PTPRT: variants seen among roughly 807,000 people sequenced by gnomAD.
The protein encoded by PTPRT is receptor-type tyrosine-protein phosphatase T.
PTPRT carries 56 observed loss-of-function variants against 176.8 expected under a neutral mutation model. The observed-to-expected ratio is 0.32, with a 90% CI of 0.26 to 0.40. The LOEUF is 0.40. Ranked by LOEUF, PTPRT falls within the 10% of genes least tolerant of loss-of-function variation. PTPRT has a pLI of 1.00. For missense variants in PTPRT, 1,540 were observed against 1,908.2 expected, an observed-to-expected ratio of 0.81 and a Z score of 3.60; for synonymous variants, 783 against 739.0, an observed-to-expected ratio of 1.06 and a Z score of -0.96.
chr20:42,945,597 C>T (rs993515674), intron 1 of PTPRT, among the ~76,000 whole-genome samples: 1 of 152,178 alleles, frequency 6.6e-6, no homozygotes, highest in Non-Finnish European at 1.5e-5. Flanking sequence ...TGCCTGTTTC[C>T]CTGAGGAAGG....
rs77495346 is a variant in PTPRT, at chr20:42,181,277, G to T, written c.2491+17963C>A. On this transcript the variant is annotated intron_variant, in intron 16 of 30. Transcript: ENST00000373187. ...GAAGCCTAGAGCCCTCTGGAGGAGAGAGGGGAGATCACAAGGGTAGGGGCA... is the reference window on the plus strand; with the variant it reads ...GAAGCCTAGAGCCCTCTGGAGGAGATAGGGGAGATCACAAGGGTAGGGGCA... Among the ~76,000 whole-genome samples, 11 of 152,330 alleles carry T rather than the reference G, an allele frequency of 7.2e-5. No homozygotes were observed. The East Asian group carries it at 1.9e-3, about 27-fold the overall frequency.
At chr20:42,333,378 C>A (rs1050809254) in intron 11 of PTPRT, among the ~76,000 whole-genome samples, 1 of 151,892 alleles carries the variant, frequency 6.6e-6, no homozygotes, top group African/African-American at 2.4e-5. Flanking sequence ...TGTTACCAGG[C>A]TGGAATGCAG....
At chr20:42,161,024 G>C (rs1432117027) in intron 17 of PTPRT, among the ~76,000 whole-genome samples, 1 of 152,130 alleles carries the variant, frequency 6.6e-6, no homozygotes, top group Non-Finnish European at 1.5e-5. Flanking sequence ...ATGGAGGTGA[G>C]ACTCCAAAGT....
At chr20:42,620,193 C>T (rs960482606) in intron 7 of PTPRT, among the ~76,000 whole-genome samples, 4 of 147,890 alleles carry the variant, frequency 2.7e-5, no homozygotes, top group Admixed American at 6.7e-5. Flanking sequence ...TGTTGGAATA[C>T]CCTGCCTTGT....
At chr20:42,212,044 A>G (rs7361994) in intron 15 of PTPRT, among the ~76,000 whole-genome samples, 4,160 of 120,666 alleles carry the variant, frequency 0.034, 202 homozygotes, top group African/African-American at 0.11. Flanking sequence ...AACTATCACA[A>G]GAAAAAAAAA....
chr20:42,097,998 G>A (rs1985441958), intron 27 of PTPRT, among the ~76,000 whole-genome samples: 2 of 152,210 alleles, frequency 1.3e-5, no homozygotes, highest in Admixed American at 1.3e-4. Flanking sequence ...CAAGTCCCAG[G>A]CTCTGTCTGT....
At chr20:43,168,501 G>A (rs957807325) in intron 1 of PTPRT, among the ~76,000 whole-genome samples, 3 of 152,142 alleles carry the variant, frequency 2.0e-5, no homozygotes, top group Non-Finnish European at 2.9e-5. Flanking sequence ...TTCTATTAAA[G>A]CCCCTATTGC....
At chr20:43,002,924 GTTCT>G (rs1039409299) in intron 1 of PTPRT, among the ~76,000 whole-genome samples, 2 of 150,792 alleles carry the variant, frequency 1.3e-5, no homozygotes, top group African/African-American at 4.9e-5. Flanking sequence ...CTAAAATCTG[GTTCT>G]TTGAGAAAAA....
chr20:42,522,965 T>G (rs1285598419), intron 7 of PTPRT, among the ~76,000 whole-genome samples: 1 of 152,222 alleles, frequency 6.6e-6, no homozygotes, highest in African/African-American at 2.4e-5. Flanking sequence ...ATCTTCAATT[T>G]CTTGTCACTG....
At chr20:42,807,092 T>G (rs933557060) in intron 2 of PTPRT, among the ~76,000 whole-genome samples, 30 of 152,098 alleles carry the variant, frequency 2.0e-4, no homozygotes, top group Admixed American at 1.2e-3. Flanking sequence ...AAAAGAAAGG[T>G]GGGAGGAAAA....
At chr20:42,263,062 G>GGT (rs2056776581) in intron 13 of PTPRT, among the ~76,000 whole-genome samples, 1 of 152,156 alleles carries the variant, frequency 6.6e-6, no homozygotes, top group Admixed American at 6.5e-5. Context: ...TGATCAGTTT[G>GGT]AACGGGTTAC....
intron 1 of PTPRT, among the ~76,000 whole-genome samples, chr20:43,145,533 G>C (rs1236948857): frequency 6.6e-6 from 1 of 152,164 alleles, no homozygotes; most frequent in Non-Finnish European, 1.5e-5. Flanking sequence ...TCATACCCAA[G>C]CAATTCTCCA....
chr20:42,549,345 C>T (rs78187514), intron 7 of PTPRT, among the ~76,000 whole-genome samples: 5 of 151,968 alleles, frequency 3.3e-5, no homozygotes, highest in African/African-American at 1.2e-4. Flanking sequence ...ATGATTTATC[C>T]GTGTACGTTT....
intron 16 of PTPRT, among the ~76,000 whole-genome samples, chr20:42,176,240 C>T (rs1413569904): frequency 6.6e-6 from 1 of 152,160 alleles, no homozygotes. Context: ...GTTTGTTTAT[C>T]TTCAAGGTTC....
intron 13 of PTPRT, among the ~76,000 whole-genome samples, chr20:42,252,494 G>C (rs1215885966): frequency 6.6e-6 from 1 of 152,152 alleles, no homozygotes; most frequent in Non-Finnish European, 1.5e-5. Flanking sequence ...AGCCTGAATG[G>C]GGAACAGGAG....
At chr20:42,775,879 A>G (rs1018276265) in intron 4 of PTPRT, among the ~76,000 whole-genome samples, 2 of 152,258 alleles carry the variant, frequency 1.3e-5, no homozygotes, top group African/African-American at 4.8e-5. Context: ...AATTGAACGC[A>G]TATATTTCAA....
At chr20:42,262,258 G>A (rs2056762615) in intron 13 of PTPRT, among the ~76,000 whole-genome samples, 1 of 152,218 alleles carries the variant, frequency 6.6e-6, no homozygotes, top group South Asian at 2.1e-4. Context: ...AAGCAGCTCT[G>A]CTCTTAGTGG....
intron 2 of PTPRT, among the ~76,000 whole-genome samples, chr20:42,858,137 A>G (rs890588280): frequency 6.6e-6 from 1 of 152,200 alleles, no homozygotes; most frequent in Non-Finnish European, 1.5e-5. Context: ...TATTAGACCC[A>G]AAGCTACTTT....
chr20:42,451,519 T>C (rs148920180), intron 8 of PTPRT, among the ~76,000 whole-genome samples: 256 of 151,420 alleles, frequency 1.7e-3, no homozygotes, highest in Non-Finnish European at 3.0e-3. Context: ...GAAAAAAAAA[T>C]AGGTCTAAGA....
Sources: allele counts gnomAD v4.1 joint callset (sites outside exome capture counted in the v4.1 genomes callset), GRCh38; gene constraint gnomAD v4.1.1; transcripts MANE v1.5; gene names NCBI Gene and HGNC (gene_info 2026-07-23, HGNC 2026-07-21).